Variants in MTR observed in about 807,000 individuals in gnomAD.
MTR encodes methionine synthase.
Under a neutral mutation model 154.8 loss-of-function variants are expected in MTR, and 84 were observed. The observed-to-expected ratio is 0.54, with a 90% CI of 0.45 to 0.65. The LOEUF is 0.65. Ranked by LOEUF, MTR falls within the 30% of genes least tolerant of loss-of-function variation. The pLI, the probability that MTR is intolerant of heterozygous loss-of-function variation, is 0.00. For missense variants in MTR, 1,275 were observed against 1,570.2 expected, an observed-to-expected ratio of 0.81 and a Z score of 3.18; for synonymous variants, 554 against 553.9, an observed-to-expected ratio of 1.00 and a Z score of 0.00.
In MTR at chr1:236,812,859, A is replaced by AC; in HGVS notation, c.609+15_609+16insC. Reference sequence around the variant, plus strand: ...CCAATGCCAAGGTGAGTTAAGGGAGAAAAAACAGACAAGGCTGGGGTAAGG... The same window carrying AC: ...CCAATGCCAAGGTGAGTTAAGGGAGACAAAAACAGACAAGGCTGGGGTAAGG... On this transcript the variant is annotated intron_variant, in intron 6 of 32. Transcript: ENST00000366577. 6.2e-7 allele frequency: 1 copy of AC among 1,605,748 alleles called. No individual in the cohort carries two copies. The highest frequency in any genetic ancestry group is 1.3e-5 in the African/African-American group (1 of 74,800).
intron 22 of MTR, among the ~76,000 whole-genome samples, chr1:236,865,842 T>C (rs1472735986): frequency 6.6e-6 from 1 of 152,124 alleles, no homozygotes; most frequent in Non-Finnish European, 1.5e-5. Context: ...TTCTTTTCTT[T>C]CATCCTTCCT....
intron 24 of MTR, 35 bp downstream of exon 24, chr1:236,874,881 A>G: frequency 6.2e-7 from 1 of 1,610,354 alleles, no homozygotes. Context: ...CCTCACTTCA[A>G]ATTTTCTTAT....
chr1:236,889,528 G>T lies in MTR; in HGVS notation c.3007+192G>T, dbSNP rs538174862. ...GGTCCTTATTGCATCAACTAAATTT[G>T]GTATTTACTTTATTCTTTCAATAAA... On this transcript the variant is annotated intron_variant, in intron 28 of 32. Coordinates refer to ENST00000366577, the MANE Select transcript of MTR (RefSeq NM_000254.3). Among the ~76,000 whole-genome samples the T allele has an allele frequency of 4.2e-3, 633 of 152,258 alleles. 9 individuals are homozygous for T. The highest frequency in any genetic ancestry group is 0.015 in the African/African-American group (612 of 41,534).
intron 2 of MTR, 98 bp downstream of exon 2, chr1:236,803,740 A>G (rs1660820965): frequency 8.4e-7 from 1 of 1,187,902 alleles, no homozygotes; most frequent in Non-Finnish European, 1.2e-6. Flanking sequence ...TCCGGAGAAT[A>G]AAGAATAAAG....
chr1:236,844,257 C>T (rs898468475), intron 15 of MTR, among the ~76,000 whole-genome samples: 41 of 152,044 alleles, frequency 2.7e-4, no homozygotes, highest in Non-Finnish European at 3.7e-4. Flanking sequence ...AAGAGTTTAC[C>T]GTTGGATTTA....
intron 27 of MTR, 76 bp from the exon 28 acceptor site, chr1:236,889,105 G>A (rs1198856040): frequency 3.2e-6 from 5 of 1,573,172 alleles, no homozygotes; most frequent in Non-Finnish European, 4.4e-6. Context: ...TGGCAGAGCA[G>A]TGAGGAGCTG....
At chr1:236,873,378 T>C (rs1254681033) in intron 22 of MTR, among the ~76,000 whole-genome samples, 1 of 152,202 alleles carries the variant, frequency 6.6e-6, no homozygotes, top group East Asian at 1.9e-4. Flanking sequence ...GTGATGATGG[T>C]TGCTCAACAT....
At chr1:236,797,371 T>C (rs1660453627) in intron 1 of MTR, among the ~76,000 whole-genome samples, 1 of 152,180 alleles carries the variant, frequency 6.6e-6, no homozygotes, top group East Asian at 1.9e-4. Flanking sequence ...TTGTGTGCCC[T>C]GGGGAAGGAG....
intron 11 of MTR, among the ~76,000 whole-genome samples, chr1:236,827,566 A>G (rs1161696990): frequency 1.3e-5 from 2 of 152,182 alleles, no homozygotes; most frequent in Non-Finnish European, 2.9e-5. Context: ...GACAGCTCAT[A>G]TTTATTGTGG....
chr1:236,829,296 A>G, intron 12 of MTR, 28 bp downstream of exon 12: 1 of 1,571,216 alleles, frequency 6.4e-7, no homozygotes, highest in Non-Finnish European at 8.8e-7. Context: ...GGTATTCCTG[A>G]TTGCAGAAAC....
intron 32 of MTR, among the ~76,000 whole-genome samples, 190 bp downstream of exon 32, chr1:236,897,308 A>ACGCG (rs1553331060): frequency 1.1e-4 from 14 of 131,540 alleles, no homozygotes; most frequent in East Asian, 4.5e-4. Flanking sequence ...AGCCACACAC[A>ACGCG]CGCACACACA....
chr1:236,796,561 A>C (rs948038029), intron 1 of MTR, among the ~76,000 whole-genome samples: 3 of 152,178 alleles, frequency 2.0e-5, no homozygotes, highest in Admixed American at 6.5e-5. Flanking sequence ...GGGAATACTA[A>C]ATTCGTAACG....
chr1:236,820,808 A>T (rs1017327876), intron 8 of MTR, among the ~76,000 whole-genome samples: 8 of 152,266 alleles, frequency 5.3e-5, no homozygotes, highest in African/African-American at 1.9e-4. Flanking sequence ...ATCCTTCCCA[A>T]CATTTGTTTG....
At chr1:236,846,935 G>A (rs149224465) in intron 15 of MTR, among the ~76,000 whole-genome samples, 230 of 152,268 alleles carry the variant, frequency 1.5e-3, no homozygotes, top group African/African-American at 5.4e-3. Flanking sequence ...CGTGCAGGCT[G>A]AAGTGCGGTG....
Position 236,889,184 on chromosome 1 carries a change from A to G in MTR, c.2855A>G (p.Lys952Arg), listed in dbSNP as rs550823647. The G allele has an allele frequency of 1.7e-5, 27 of 1,614,180 alleles. No individual in the cohort carries two copies. The South Asian group carries it at 2.7e-4, about 16-fold the overall frequency. Residue 952 changes from lysine to arginine, a missense_variant, in exon 28 of 33, where the codon AAG becomes AGG. Transcript: ENST00000366577. Reference protein sequence around the residue: ...MDWLSEPHPVKPTFIGTQVFE... With the variant: ...MDWLSEPHPVRPTFIGTQVFE... ...CAACCATACTTCTCTCCTGTAGTGA[A>G]GCCCACGTTTATTGGGACCCAGGTC...
intron 27 of MTR, among the ~76,000 whole-genome samples, chr1:236,887,004 A>G (rs1666047204): frequency 6.6e-6 from 1 of 152,064 alleles, no homozygotes; most frequent in African/African-American, 2.4e-5. Flanking sequence ...TTAAATTTCT[A>G]GCCACCTTTC....
At chr1:236,847,432 G>A (rs4659729) in intron 15 of MTR, among the ~76,000 whole-genome samples, 3 of 151,962 alleles carry the variant, frequency 2.0e-5, no homozygotes, top group African/African-American at 7.3e-5. Flanking sequence ...TTGCATTACT[G>A]CCTGAGTGTG....
chr1:236,795,850 C>T (rs1660348587), intron 1 of MTR, 113 bp downstream of exon 1: 6 of 1,530,002 alleles, frequency 3.9e-6, no homozygotes, highest in Non-Finnish European at 5.4e-6. Context: ...GCGGTGTTTC[C>T]CCGCGTGTGG....
At chr1:236,858,935 A>T (rs1355971719) in intron 18 of MTR, among the ~76,000 whole-genome samples, 3 of 152,196 alleles carry the variant, frequency 2.0e-5, no homozygotes, top group African/African-American at 7.2e-5. Context: ...TTAGCTTACG[A>T]TAACCATTCC....
Sources: gnomAD v4.1 joint callset for allele counts (sites outside exome capture counted in the v4.1 genomes callset) on GRCh38, gnomAD v4.1.1 for gene constraint, MANE v1.5 for transcripts, NCBI Gene and HGNC (gene_info 2026-07-23, HGNC 2026-07-21) for gene names.